OTUD4: variants seen among roughly 807,000 people sequenced by gnomAD.
The protein encoded by OTUD4 is OTU deubiquitinase 4.
OTUD4 carries 24 observed loss-of-function variants against 130.4 expected under a neutral mutation model. The ratio of observed to expected loss-of-function variants is 0.18; its 90% confidence interval spans 0.13 to 0.26. The LOEUF (loss-of-function observed/expected upper bound fraction) is 0.26. OTUD4 is among the 10% of genes least tolerant of loss of function. The pLI, the probability that OTUD4 is intolerant of heterozygous loss-of-function variation, is 1.00. For missense variants in OTUD4, 1,031 were observed against 1,329.4 expected, an observed-to-expected ratio of 0.78 and a Z score of 3.49; for synonymous variants, 420 against 472.5, an observed-to-expected ratio of 0.89 and a Z score of 1.44.
rs1752641164 is a variant in OTUD4 at position 145,180,429 on chromosome 4, C to A, written c.-456G>T. Among the ~76,000 whole-genome samples, 1 of 152,208 alleles carries A rather than the reference C, an allele frequency of 6.6e-6. No individual in the cohort carries two copies. Among genetic ancestry groups the A allele is most frequent in the Admixed American group, 6.5e-5 (1 of 15,288 alleles). On this transcript the variant is annotated 5_prime_UTR_variant, in exon 1 of 21. Transcript: ENST00000447906. ...CTGCGCCCCCGCGCACTCCCCACGC[C>A]GGGAGCCGAGGAAACCAAAAAGAAA... is the stretch of plus-strand genomic sequence containing the variant.
intron 3 of OTUD4, among the ~76,000 whole-genome samples, chr4:145,166,915 G>A (rs1751907971): frequency 1.3e-5 from 2 of 152,156 alleles, no homozygotes; most frequent in Non-Finnish European, 2.9e-5. Flanking sequence ...ATAACCACAT[G>A]AAATGACCTA....
At position 145,135,645 on chromosome 4, in the gene OTUD4, T is replaced by C. The variant is rs1263225645; in HGVS notation, c.*1785A>G. On this transcript the variant is annotated 3_prime_UTR_variant, in exon 21 of 21. Transcript: ENST00000447906. ...GAAGGTGACAACAAATTCCTTTCAA[T>C]AGGTTCTCTCAAGAAAAGTTTTCCA... 2.0e-5 allele frequency: 3 copies of C among 152,640 alleles called. No homozygotes were observed. The highest frequency in any genetic ancestry group is 4.4e-5 in the Non-Finnish European group (3 of 68,038). 9.5% of individuals were successfully genotyped at this position (152,640 alleles called of 1,614,324 possible). A position where few individuals can be genotyped will look rare whatever the true frequency, so the allele number is the denominator to read the frequency against.
At position 145,135,763 on chromosome 4, in the gene OTUD4, C is replaced by T. The variant is rs1483992360; in HGVS notation, c.*1667G>A. On this transcript the variant is annotated 3_prime_UTR_variant, in exon 21 of 21. Coordinates refer to ENST00000447906, the MANE Select transcript of OTUD4 (RefSeq NM_001366057.1). ...GCTCTCTAAAATCCTGTTACATTAT[C>T]TAAATGCTAATCACTACTCAAATCA... 3 of 152,576 alleles carry T rather than the reference C, an allele frequency of 2.0e-5. No homozygotes were observed. Among genetic ancestry groups the T allele is most frequent in the Non-Finnish European group, 4.4e-5 (3 of 68,014 alleles). 9.5% of individuals were successfully genotyped at this position (152,576 alleles called of 1,614,324 possible).
chr4:145,157,469 G>A (rs1028081830), intron 7 of OTUD4, among the ~76,000 whole-genome samples: 2 of 151,900 alleles, frequency 1.3e-5, no homozygotes, highest in Non-Finnish European at 2.9e-5. Flanking sequence ...CGGGTGGATC[G>A]CCTGAGTTCA....
chr4:145,155,986 C>G lies in OTUD4; in HGVS notation c.640G>C (p.Ala214Pro), dbSNP rs1284776781. The G allele has an allele frequency of 1.9e-6, 3 of 1,608,592 alleles. No homozygotes were observed. The highest frequency in any genetic ancestry group is 2.2e-5 in the East Asian group (1 of 44,740). ...SEDDSCKSKT[A>P]AAAADVNGFK... ...CCATTCACATCAGCAGCAGCAGCAG[C>G]AGTCTTACTCCTACAAAGAAAGATA... The change falls in exon 8 of 21, where the codon GCT becomes CCT. Residue 214 changes from alanine (A) to proline (P), a missense_variant. Ala to Pro is a conservative substitution (Grantham distance 27). Around this residue, in one of 3 missense-constraint regions of OTUD4, gnomAD observed 900 missense variants for 1,095.9 expected, o/e 0.82. Transcript: ENST00000447906.
chr4:145,179,776 C>A, intron 1 of OTUD4, 39 bp downstream of exon 1: 2 of 1,387,154 alleles, frequency 1.4e-6, no homozygotes, highest in East Asian at 5.6e-5. Flanking sequence ...GGGCCGTCCC[C>A]GCCTCCCCTC....
intron 19 of OTUD4, among the ~76,000 whole-genome samples, chr4:145,140,708 T>C (rs1750516322): frequency 6.6e-6 from 1 of 152,312 alleles, no homozygotes; most frequent in Non-Finnish European, 1.5e-5. Flanking sequence ...CGGATGCATG[T>C]CTGAAATGCA....
Position 145,138,085 on chromosome 4 carries a change from A to G in OTUD4, c.2690T>C (p.Leu897Pro), listed in dbSNP as rs1208019422. 1 of 1,614,012 alleles carries G rather than the reference A, an allele frequency of 6.2e-7. No homozygotes were observed. The highest frequency in any genetic ancestry group is 8.5e-7 in the Non-Finnish European group (1 of 1,179,986). ...TGAACCACAATCTTTAGACAGATCC[A>G]GATTTTCCAGAGACAGATCCAATTC... ...KGELDLSLEN[L>P]DLSKDCGSVS... The change falls in exon 21 of 21, where the codon CTG (leucine) becomes CCG (proline). Residue 897 changes from leucine to proline, a missense_variant. Leu to Pro is a moderately conservative substitution (Grantham distance 98). Coordinates refer to ENST00000447906, the MANE Select transcript of OTUD4 (RefSeq NM_001366057.1).
intron 13 of OTUD4, among the ~76,000 whole-genome samples, chr4:145,150,302 A>G (rs1165155717): frequency 1.3e-5 from 2 of 152,244 alleles, no homozygotes; most frequent in Non-Finnish European, 2.9e-5. Context: ...ACTAAAAAAT[A>G]AAGGTCTCTC....
intron 16 of OTUD4, 77 bp from the exon 17 acceptor site, chr4:145,143,522 A>C: frequency 1.2e-6 from 1 of 814,170 alleles, no homozygotes; most frequent in South Asian, 1.6e-5. Context: ...TCCTTTTATA[A>C]TTCACCCTAC....
Position 145,147,643 on chromosome 4 carries a change from A to G in OTUD4, c.1260-1214T>C, listed in dbSNP as rs35437204. The stretch of plus-strand genomic sequence containing the variant: ...GTATTTCCTGGATAGCCACATTAAC[A>G]AAAGCATATATGGCAATCTTGCTTG... On this transcript the variant is annotated intron_variant, in intron 13 of 20. Transcript: ENST00000447906. 1.7e-3 allele frequency among the ~76,000 whole-genome samples: 260 copies of G among 152,322 alleles called. 2 individuals are homozygous for G. Among genetic ancestry groups the G allele is most frequent in the South Asian group, 8.1e-3 (39 of 4,834 alleles).
intron 1 of OTUD4, among the ~76,000 whole-genome samples, chr4:145,175,779 G>A (rs997866350): frequency 7.3e-5 from 11 of 151,168 alleles, no homozygotes; most frequent in Admixed American, 4.0e-4. Flanking sequence ...TCCTGACCTC[G>A]TGATCCGCCC....
rs1054159333 is a variant in OTUD4 at position 145,135,250 on chromosome 4, A to C, written c.*2180T>G. 6.1e-6 allele frequency: 1 copy of C among 164,738 alleles called. No homozygotes were observed. The highest frequency in any genetic ancestry group is 2.0e-4 in the South Asian group (1 of 4,954). The allele number at this position is 164,738 out of a possible 1,614,324, so 10.2% of individuals were successfully genotyped here. ...AGGTGAGATATGGGAAACAGAAAGC[A>C]AATCAGTGTTTCCTTCAGGAGCTAT... On this transcript the variant is annotated 3_prime_UTR_variant, in exon 21 of 21. Transcript: ENST00000447906.
rs1182346537 is a variant in OTUD4 at position 145,136,585 on chromosome 4, ACTT to A, written c.*842_*844del. 3 of 151,924 alleles carry A rather than the reference ACTT, an allele frequency of 2.0e-5. No homozygotes were observed. The highest frequency in any genetic ancestry group is 1.5e-5 in the Non-Finnish European group (1 of 67,958). The allele number at this position is 151,924 out of a possible 1,614,324, so 9.4% of individuals were successfully genotyped here. A position where few individuals can be genotyped will look rare whatever the true frequency, so the allele number is the denominator to read the frequency against. The stretch of plus-strand genomic sequence containing the variant: ...TTAGTGTTAAAGTGGCATTAAAAAA[ACTT>A]CTGCAGTTCTAACTGATGCAGATTA... On this transcript the variant is annotated 3_prime_UTR_variant, in exon 21 of 21. Coordinates refer to ENST00000447906, the MANE Select transcript of OTUD4 (RefSeq NM_001366057.1).
chr4:145,143,299 C>G, intron 17 of OTUD4, 66 bp downstream of exon 17: 1 of 978,016 alleles, frequency 1.0e-6, no homozygotes. Flanking sequence ...TTTAAATGAC[C>G]CTATACACAG....
intron 14 of OTUD4, among the ~76,000 whole-genome samples, chr4:145,144,896 A>C (rs1459012278): frequency 6.6e-6 from 1 of 152,206 alleles, no homozygotes; most frequent in Non-Finnish European, 1.5e-5. Context: ...CAAATCACTT[A>C]AACTCTGCAT....
rs36225838 is a variant in OTUD4, at chr4:145,155,980, C to T, written c.646G>A (p.Ala216Thr). 0.032 allele frequency: 51,663 copies of T among 1,609,582 alleles called. 970 individuals carry two copies. Among genetic ancestry groups the T allele is most frequent in the Non-Finnish European group, 0.037 (43,961 of 1,177,454 alleles). Residue 216 changes from alanine (A) to threonine (T), a missense_variant, in exon 8 of 21, where the codon GCT (alanine) becomes ACT (threonine). Coordinates refer to ENST00000447906, the MANE Select transcript of OTUD4 (RefSeq NM_001366057.1). The part of the protein sequence containing the change: ...DDSCKSKTAA[A>T]AADVNGFKPL... ...TTAAATCCATTCACATCAGCAGCAG[C>T]AGCAGCAGTCTTACTCCTACAAAGA...
Position 145,164,223 on chromosome 4 carries a change from T to C in OTUD4, c.345A>G (p.Lys115=), listed in dbSNP as rs781261913. The change falls in exon 5 of 21, where the codon AAA becomes AAG. Residue 115 remains lysine (K), a synonymous_variant. Transcript: ENST00000447906. ...TTGGTTCCCGATAAATTATAAAATCTTTCCTGAAAATAACAATTAGAAATT... is the reference window on the plus strand; with the variant it reads ...TTGGTTCCCGATAAATTATAAAATCCTTCCTGAAAATAACAATTAGAAATT... ...EISALSLMYR[K]DFIIYREPNV... is the part of the protein sequence containing the mutation. 6 of 1,287,362 alleles carry C rather than the reference T, an allele frequency of 4.7e-6. No individual in the cohort carries two copies. The highest frequency in any genetic ancestry group is 6.6e-6 in the Non-Finnish European group (6 of 912,464). The allele number at this position is 1,287,362 out of a possible 1,614,324, so 79.7% of individuals were successfully genotyped here. A position where few individuals can be genotyped will look rare whatever the true frequency, so the allele number is the denominator to read the frequency against.
At chr4:145,179,589 GGA>G in intron 1 of OTUD4, 1 of 1,372,444 alleles carries the variant, frequency 7.3e-7, no homozygotes, top group Non-Finnish European at 9.4e-7. Context: ...CTCTTCATCA[GGA>G]GAGAGACACC....
Sources: gnomAD v4.1 joint callset for allele counts (sites outside exome capture counted in the v4.1 genomes callset) on GRCh38, gnomAD v4.1.1 for gene constraint, gnomAD v4.1.1 regional missense constraint, MANE v1.5 for transcripts, NCBI Gene and HGNC (gene_info 2026-07-23, HGNC 2026-07-21) for gene names.